Variants in VWC2 observed in about 807,000 individuals in gnomAD.
The protein encoded by VWC2 is von Willebrand factor C domain containing 2.
Under a neutral mutation model 29.8 loss-of-function variants are expected in VWC2, and 14 were observed. The ratio of observed to expected loss-of-function variants is 0.47; its 90% CI spans 0.31 to 0.74. VWC2 has a LOEUF of 0.74. Ranked by LOEUF, VWC2 falls within the 30% of genes least tolerant of loss-of-function variation. The pLI, the probability that VWC2 is intolerant of heterozygous loss-of-function variation, is 0.05. For synonymous variants in VWC2, 213 were observed against 199.0 expected (o/e 1.07, Z -0.59); for missense variants, 457 against 459.8 (o/e 0.99, Z 0.05).
intron 3 of VWC2, among the ~76,000 whole-genome samples, chr7:49,883,632 A>G (rs925941822): frequency 2.0e-5 from 3 of 152,198 alleles, no homozygotes; most frequent in Non-Finnish European, 4.4e-5. Context: ...TGATAAAACA[A>G]TGTAAAAATA....
At chr7:49,820,069 GTCATTACT>G (rs56342239) in intron 3 of VWC2, among the ~76,000 whole-genome samples, 136,435 of 151,674 alleles carry the variant, frequency 0.9, 61,555 homozygotes, top group East Asian at 0.94. Context: ...CAACCTTCCT[GTCATTACT>G]TCATTACTTT....
At chr7:49,815,077 C>T (rs1789104926) in intron 3 of VWC2, among the ~76,000 whole-genome samples, 1 of 152,138 alleles carries the variant, frequency 6.6e-6, no homozygotes, top group African/African-American at 2.4e-5. Flanking sequence ...TATGTGCATG[C>T]ATTTTTATAT....
intron 3 of VWC2, among the ~76,000 whole-genome samples, chr7:49,848,006 T>C (rs756251624): frequency 7.9e-5 from 12 of 152,128 alleles, no homozygotes; most frequent in South Asian, 2.1e-4. Context: ...GAAAATGAGA[T>C]AGGGCTAGCA....
chr7:49,847,212 TTATAATATAA>T (rs200959078), intron 3 of VWC2, among the ~76,000 whole-genome samples: 10 of 149,010 alleles, frequency 6.7e-5, no homozygotes, highest in Admixed American at 4.0e-4. Context: ...TGTGAACCTA[TTATAATATAA>T]TATAATATAA....
At chr7:49,811,497 C>T (rs1446187553) in intron 3 of VWC2, among the ~76,000 whole-genome samples, 1 of 152,168 alleles carries the variant, frequency 6.6e-6, no homozygotes. Context: ...CCTCTTCTGC[C>T]ATGATTGTAA....
chr7:49,815,383 G>T (rs543792777), intron 3 of VWC2, among the ~76,000 whole-genome samples: 2 of 152,238 alleles, frequency 1.3e-5, no homozygotes, highest in East Asian at 3.9e-4. Flanking sequence ...AGATTATTAG[G>T]TTGACATCTT....
intron 3 of VWC2, among the ~76,000 whole-genome samples, chr7:49,872,915 C>CAAAAAAAAAAAA (rs61473396): frequency 1.2e-4 from 4 of 33,954 alleles, no homozygotes; most frequent in Admixed American, 4.8e-4. Context: ...GACTTTGTCT[C>CAAAAAAAAAAAA]AAAAAAAAAA....
chr7:49,852,336 C>T (rs986475218), intron 3 of VWC2, among the ~76,000 whole-genome samples: 3 of 152,178 alleles, frequency 2.0e-5, no homozygotes, highest in African/African-American at 7.2e-5. Flanking sequence ...ACATTGCAGG[C>T]TCTGGTTCAA....
chr7:49,880,695 G>T (rs1320270208), intron 3 of VWC2, among the ~76,000 whole-genome samples: 1 of 152,052 alleles, frequency 6.6e-6, no homozygotes, highest in African/African-American at 2.4e-5. Flanking sequence ...GATGGGGGAA[G>T]GGGGAAGGGA....
chr7:49,869,361 G>A, intron 3 of VWC2, among the ~76,000 whole-genome samples: 1 of 152,112 alleles, frequency 6.6e-6, no homozygotes, highest in Non-Finnish European at 1.5e-5. Flanking sequence ...CTGAAAGGGT[G>A]GGTTCATCTG....
At chr7:49,858,560 T>TG (rs1554335784) in intron 3 of VWC2, among the ~76,000 whole-genome samples, 4 of 26,602 alleles carry the variant, frequency 1.5e-4, no homozygotes, top group Admixed American at 5.4e-4. Context: ...TGTTGTGGGG[T>TG]GGGGGAGGGG....
Position 49,775,948 on chromosome 7 carries a change from G to T in VWC2, c.513G>T (p.Pro171=), listed in dbSNP as rs760212692. The T allele has an allele frequency of 3.2e-6, 5 of 1,552,634 alleles. No individual in the cohort carries two copies. In the Admixed American group the frequency reaches 9.6e-5, roughly 30 times the overall value. ...ACGCGATCGGGGAGAAGTTCGCGCCGGGCCCCTCGGCCTGCCCGTGCCTGT... is the reference window on the plus strand; with the variant it reads ...ACGCGATCGGGGAGAAGTTCGCGCCTGGCCCCTCGGCCTGCCCGTGCCTGT... ...FVYAIGEKFA[P]GPSACPCLCT... The change falls in exon 2 of 4, where the codon CCG becomes CCT. Residue 171 remains proline (P), a synonymous_variant. Transcript: ENST00000340652.
In VWC2 at chr7:49,920,571, G is replaced by A. The variant is rs1175814677; in HGVS notation, c.*8386G>A. ...TGGACCTAAGCAGTGAAGGATGTAA[G>A]GGAACAGAGAGAGACTCTGCTTGGC... On this transcript the variant is annotated 3_prime_UTR_variant, in exon 4 of 4. Coordinates refer to ENST00000340652, the MANE Select transcript of VWC2 (RefSeq NM_198570.5). The A allele has an allele frequency of 6.6e-6, 1 of 152,168 alleles. No homozygotes were observed. Among genetic ancestry groups the A allele is most frequent in the African/African-American group, 2.4e-5 (1 of 41,448 alleles). 9.4% of individuals were successfully genotyped at this position (152,168 alleles called of 1,614,324 possible).
rs1793798436 is a variant in VWC2 at position 49,917,716 on chromosome 7, T to C, written c.*5531T>C. ...ATCTAATTATATTAAGACCAACATA[T>C]ACATTAAAGTGTATTTAGATGATTA... On this transcript the variant is annotated 3_prime_UTR_variant, in exon 4 of 4. Coordinates refer to ENST00000340652, the MANE Select transcript of VWC2 (RefSeq NM_198570.5). 6.6e-6 allele frequency: 1 copy of C among 152,180 alleles called. No homozygotes were observed. Among genetic ancestry groups the C allele is most frequent in the Admixed American group, 6.5e-5 (1 of 15,280 alleles). 9.4% of individuals were successfully genotyped at this position (152,180 alleles called of 1,614,324 possible).
chr7:49,888,161 A>C (rs1791977821), intron 3 of VWC2, among the ~76,000 whole-genome samples: 1 of 152,162 alleles, frequency 6.6e-6, no homozygotes, highest in South Asian at 2.1e-4. Flanking sequence ...AATGGCAATT[A>C]TTTTTTTCTG....
intron 3 of VWC2, among the ~76,000 whole-genome samples, chr7:49,897,056 C>T (rs1020627490): frequency 9.2e-5 from 14 of 151,944 alleles, no homozygotes; most frequent in South Asian, 2.1e-4. Context: ...CCACCTCGCC[C>T]GGCTAATTTT....
At chr7:49,776,983 T>G (rs1479901872) in intron 2 of VWC2, among the ~76,000 whole-genome samples, 3 of 152,246 alleles carry the variant, frequency 2.0e-5, no homozygotes, top group Non-Finnish European at 2.9e-5. Flanking sequence ...TATACTCTAC[T>G]TGAACCAAAA....
chr7:49,851,881 A>G (rs1286583406), intron 3 of VWC2, among the ~76,000 whole-genome samples: 1 of 151,982 alleles, frequency 6.6e-6, no homozygotes. Flanking sequence ...CCACTACAAA[A>G]TGGCCAGACC....
Position 49,778,927 on chromosome 7 carries a change from C to T in VWC2, c.696+2796C>T, listed in dbSNP as rs1228485778. ...AGATTGTGGTACAGTCGGGTCATGCCTGGAACACTGTTTACTTTAGCAAGG... is the reference window on the plus strand; with the variant it reads ...AGATTGTGGTACAGTCGGGTCATGCTTGGAACACTGTTTACTTTAGCAAGG... On this transcript the variant is annotated intron_variant, in intron 2 of 3. Transcript: ENST00000340652. Among the ~76,000 whole-genome samples the T allele has an allele frequency of 2.6e-5, 4 of 152,176 alleles. No individual in the cohort carries two copies. The East Asian group carries it at 7.7e-4, about 29-fold the overall frequency.
Sources: allele counts gnomAD v4.1 joint callset (sites outside exome capture counted in the v4.1 genomes callset), GRCh38; gene constraint gnomAD v4.1.1; transcripts MANE v1.5; gene names NCBI Gene and HGNC (gene_info 2026-07-23, HGNC 2026-07-21).